The following ADAMTS6 variants were observed in gnomAD, a reference collection of about 807,000 sequenced individuals.
The protein encoded by ADAMTS6 is A disintegrin and metalloproteinase with thrombospondin motifs 6.
A neutral mutation model predicts 144.3 loss-of-function variants in ADAMTS6; 23 were observed. The ratio of observed to expected loss-of-function variants is 0.16; its 90% confidence interval spans 0.11 to 0.23. ADAMTS6 has a LOEUF of 0.23. Ranked by LOEUF, ADAMTS6 falls within the 10% of genes least tolerant of loss-of-function variation. The pLI, the probability that ADAMTS6 is intolerant of heterozygous loss-of-function variation, is 1.00. For missense variants in ADAMTS6, 999 were observed against 1,379.6 expected, an observed-to-expected ratio of 0.72 and a Z score of 4.37; for synonymous variants, 444 against 457.5, an observed-to-expected ratio of 0.97 and a Z score of 0.38.
At chr5:65,186,673 C>T (rs1159477327) in intron 22 of ADAMTS6, among the ~76,000 whole-genome samples, 2 of 152,160 alleles carry the variant, frequency 1.3e-5, no homozygotes, top group Admixed American at 1.3e-4. Flanking sequence ...CGTTAGGGAA[C>T]AGGAGAGTCC....
In ADAMTS6 at chr5:65,151,887, G is replaced by A. The variant is rs1278504798; in HGVS notation, c.3303C>T (p.Cys1101=). Residue 1101 remains cysteine (C), a synonymous_variant, in exon 25 of 25, where the codon TGC becomes TGT. Transcript: ENST00000381055. ...ACATCTGTCTGAAGTATGCTCGACT[G>A]CAGAACTTGAACTTCAGCACCAGTG... The part of the protein sequence containing the change: ...YCPLVLKFKF[C]SRAYFRQMCC... 1 of 1,613,826 alleles carries A rather than the reference G, an allele frequency of 6.2e-7. No homozygotes were observed. Among genetic ancestry groups the A allele is most frequent in the Non-Finnish European group, 8.5e-7 (1 of 1,179,772 alleles).
At chr5:65,467,979 G>C (rs1342717845) in intron 3 of ADAMTS6, among the ~76,000 whole-genome samples, 2 of 151,612 alleles carry the variant, frequency 1.3e-5, no homozygotes, top group African/African-American at 4.8e-5. Flanking sequence ...GACTAAGGAA[G>C]TGGAAAATAT....
intron 15 of ADAMTS6, among the ~76,000 whole-genome samples, chr5:65,227,945 A>AT (rs1477975189): frequency 6.6e-6 from 1 of 152,102 alleles, no homozygotes; most frequent in African/African-American, 2.4e-5. Flanking sequence ...GTTTTCTTCC[A>AT]TTTTCAATGT....
chr5:65,205,307 T>G (rs1476428428), intron 20 of ADAMTS6, among the ~76,000 whole-genome samples: 2 of 152,218 alleles, frequency 1.3e-5, no homozygotes, highest in East Asian at 3.8e-4. Flanking sequence ...CACATTCTGT[T>G]AGTTCACTAA....
chr5:65,245,705 C>G (rs1194069743), intron 14 of ADAMTS6, among the ~76,000 whole-genome samples: 2 of 151,988 alleles, frequency 1.3e-5, no homozygotes, highest in Non-Finnish European at 2.9e-5. Flanking sequence ...AGTTGTCAAA[C>G]TTTACCTCTA....
At chr5:65,467,008 C>T (rs535303836) in intron 3 of ADAMTS6, among the ~76,000 whole-genome samples, 3,338 of 150,888 alleles carry the variant, frequency 0.022, 60 homozygotes, top group East Asian at 0.06. Context: ...CGCCACTGCA[C>T]CCAGCCTGGG....
At chr5:65,316,302 C>T (rs969773848) in intron 9 of ADAMTS6, among the ~76,000 whole-genome samples, 1 of 152,144 alleles carries the variant, frequency 6.6e-6, no homozygotes, top group Non-Finnish European at 1.5e-5. Context: ...TTGACCTGAA[C>T]AGCACCATCA....
At chr5:65,327,115 G>A (rs78128870) in intron 9 of ADAMTS6, among the ~76,000 whole-genome samples, 1,970 of 152,190 alleles carry the variant, frequency 0.013, 33 homozygotes, top group East Asian at 0.083. Flanking sequence ...TCACATGAGA[G>A]CTGGTTGTTT....
At chr5:65,468,256 G>C (rs1347181108) in intron 3 of ADAMTS6, among the ~76,000 whole-genome samples, 2 of 152,006 alleles carry the variant, frequency 1.3e-5, no homozygotes, top group Non-Finnish European at 2.9e-5. Context: ...ATTTTATATA[G>C]AATGATTAAA....
intron 10 of ADAMTS6, among the ~76,000 whole-genome samples, chr5:65,299,621 T>C (rs888627217): frequency 1.3e-5 from 2 of 152,162 alleles, no homozygotes; most frequent in African/African-American, 2.4e-5. Context: ...GGCTTTCCTA[T>C]AGAACTCAGT....
chr5:65,197,275 T>C (rs1339397190), intron 20 of ADAMTS6, 124 bp from the exon 21 acceptor site: 1 of 856,852 alleles, frequency 1.2e-6, no homozygotes, highest in Non-Finnish European at 1.6e-6. Context: ...TGTTCCACAT[T>C]GGACTGCTTC....
chr5:65,390,471 G>C (rs1752821893), intron 7 of ADAMTS6, among the ~76,000 whole-genome samples: 1 of 152,166 alleles, frequency 6.6e-6, no homozygotes, highest in African/African-American at 2.4e-5. Context: ...TTCAAAGCAA[G>C]ATACAACAGA....
At chr5:65,453,072 G>A (rs1392874868) in intron 4 of ADAMTS6, among the ~76,000 whole-genome samples, 154 bp from the exon 5 acceptor site, 2 of 148,696 alleles carry the variant, frequency 1.3e-5, no homozygotes, top group South Asian at 2.2e-4. Flanking sequence ...AAAAAAGTCT[G>A]TAAATTTTTG....
At chr5:65,203,004 A>C (rs544861876) in intron 20 of ADAMTS6, among the ~76,000 whole-genome samples, 1 of 152,190 alleles carries the variant, frequency 6.6e-6, no homozygotes, top group Admixed American at 6.5e-5. Context: ...TTTTTCCACC[A>C]ATTCTCTCTC....
chr5:65,181,843 C>T (rs374061761), intron 22 of ADAMTS6, among the ~76,000 whole-genome samples: 4 of 152,190 alleles, frequency 2.6e-5, no homozygotes, highest in African/African-American at 4.8e-5. Flanking sequence ...AGTTTTCTAA[C>T]GGAAGCATTC....
intron 24 of ADAMTS6, among the ~76,000 whole-genome samples, chr5:65,169,560 C>G (rs1753461798): frequency 2.1e-5 from 3 of 142,938 alleles, no homozygotes; most frequent in African/African-American, 8.3e-5. Flanking sequence ...GACTATAAAT[C>G]ATGCTGCTAT....
chr5:65,435,549 T>C (rs1757322888), intron 7 of ADAMTS6, among the ~76,000 whole-genome samples: 1 of 152,068 alleles, frequency 6.6e-6, no homozygotes, highest in South Asian at 2.1e-4. Context: ...GATGTTAATA[T>C]TAGGAAAGGC....
At chr5:65,259,914 G>A (rs1337677226) in intron 14 of ADAMTS6, among the ~76,000 whole-genome samples, 2 of 152,156 alleles carry the variant, frequency 1.3e-5, no homozygotes, top group Non-Finnish European at 2.9e-5. Flanking sequence ...TTAGATAGGG[G>A]GAGGAAGAGT....
chr5:65,322,299 C>CATG (rs1411623696), intron 9 of ADAMTS6, among the ~76,000 whole-genome samples: 2 of 152,164 alleles, frequency 1.3e-5, no homozygotes, highest in East Asian at 3.9e-4. Context: ...AGCCAAGTAG[C>CATG]ATGATGTCTC....
Sources: allele counts gnomAD v4.1 joint callset (sites outside exome capture counted in the v4.1 genomes callset), GRCh38; gene constraint gnomAD v4.1.1; transcripts MANE v1.5; gene names NCBI Gene and HGNC (gene_info 2026-07-23, HGNC 2026-07-21).